The following PHLPP1 variants were observed in gnomAD, a reference collection of about 807,000 sequenced individuals.
The protein encoded by PHLPP1 is PH domain and leucine rich repeat protein phosphatase 1.
Under a neutral mutation model 117.2 loss-of-function variants are expected in PHLPP1, and 42 were observed. That is an observed-to-expected ratio of 0.36 (90% CI 0.28 to 0.46). The LOEUF is 0.46. PHLPP1 is among the 20% of genes least tolerant of loss of function. The pLI is 1.00. For missense variants in PHLPP1, 2,084 were observed against 2,241.9 expected (o/e 0.93, Z 1.42); for synonymous variants, 1,042 against 970.7 (o/e 1.07, Z -1.37).
chr18:62,828,587 C>G (rs1243239530), intron 1 of PHLPP1, among the ~76,000 whole-genome samples: 1 of 152,128 alleles, frequency 6.6e-6, no homozygotes, highest in Non-Finnish European at 1.5e-5. Context: ...AAATTCGAAC[C>G]TGTGGCTTAT....
chr18:62,872,808 A>G (rs1162255754), intron 4 of PHLPP1, among the ~76,000 whole-genome samples: 1 of 151,742 alleles, frequency 6.6e-6, no homozygotes, highest in East Asian at 1.9e-4. Context: ...CCAACATGGT[A>G]AAATCCCGCC....
At chr18:62,766,076 A>ATATATATATATATATATATAT (rs1555670395) in intron 1 of PHLPP1, among the ~76,000 whole-genome samples, 9 of 21,638 alleles carry the variant, frequency 4.2e-4, no homozygotes, top group Admixed American at 1.6e-3. Flanking sequence ...AAAAAAAAAA[A>ATATATATATATATATATATAT]ATATATATAT....
chr18:62,934,895 A>G (rs142300821), intron 10 of PHLPP1, among the ~76,000 whole-genome samples: 238 of 152,326 alleles, frequency 1.6e-3, no homozygotes, highest in Middle Eastern at 3.4e-3. Context: ...CTTTAACATT[A>G]TATACACACA....
chr18:62,819,538 A>C (rs1464031188), intron 1 of PHLPP1, among the ~76,000 whole-genome samples: 2 of 152,232 alleles, frequency 1.3e-5, no homozygotes, highest in East Asian at 3.8e-4. Flanking sequence ...CTATATTTAC[A>C]TTATCAGCAG....
intron 1 of PHLPP1, among the ~76,000 whole-genome samples, chr18:62,718,641 T>C (rs374123615): frequency 2.6e-5 from 4 of 152,228 alleles, no homozygotes; most frequent in African/African-American, 9.6e-5. Context: ...TTTTAAAGTT[T>C]ATGGTCCAGG....
intron 14 of PHLPP1, among the ~76,000 whole-genome samples, chr18:62,965,498 C>T (rs903396974): frequency 2.3e-4 from 26 of 112,506 alleles, no homozygotes; most frequent in Admixed American, 2.2e-3. Context: ...TCACTCTTGT[C>T]GCCCAGGCCG....
chr18:62,724,706 GT>G (rs1449483279), intron 1 of PHLPP1, among the ~76,000 whole-genome samples: 2 of 152,092 alleles, frequency 1.3e-5, no homozygotes, highest in African/African-American at 4.8e-5. Flanking sequence ...ACAGTTAGTC[GT>G]TTCTCTATTC....
At chr18:62,728,124 G>A (rs550502191) in intron 1 of PHLPP1, among the ~76,000 whole-genome samples, 19 of 151,852 alleles carry the variant, frequency 1.3e-4, no homozygotes, top group Admixed American at 1.1e-3. Context: ...GTGAAACCTC[G>A]TCTCTACTAA....
chr18:62,830,243 T>G lies in PHLPP1; in HGVS notation c.1773+12T>G, dbSNP rs1378197087. On this transcript the variant is annotated intron_variant, in intron 2 of 16. Transcript: ENST00000262719. ...TAATTGGTGGAAAAGTAAGTTTGTTTGTTTGTTTGTTTATTGAGTCAGAGT... is the reference window on the plus strand; with the variant it reads ...TAATTGGTGGAAAAGTAAGTTTGTTGGTTTGTTTGTTTATTGAGTCAGAGT... The G allele has an allele frequency of 8.4e-6, 13 of 1,547,390 alleles. No individual in the cohort carries two copies. The highest frequency in any genetic ancestry group is 1.7e-4 in the Middle Eastern group (1 of 5,964).
At chr18:62,932,921 G>T (rs1568165913) in intron 10 of PHLPP1, among the ~76,000 whole-genome samples, 1 of 152,152 alleles carries the variant, frequency 6.6e-6, no homozygotes, top group Admixed American at 6.5e-5. Flanking sequence ...AAAGTTTCAG[G>T]ATTCAGAATC....
intron 1 of PHLPP1, among the ~76,000 whole-genome samples, chr18:62,777,850 G>A (rs1354310486): frequency 2.0e-5 from 3 of 152,142 alleles, no homozygotes; most frequent in Admixed American, 2.0e-4. Flanking sequence ...TCTCATTGGT[G>A]TCCTGCATAT....
chr18:62,979,208 C>G lies in PHLPP1; in HGVS notation c.4931C>G (p.Pro1644Arg), dbSNP rs1424734152. ...HNVIEVATDA[P>R]LRKPGGYFAA... ...GTGATAGAGGTGGCTACAGACGCAC[C>G]TCTTCGAAAGCCTGGAGGCTATTTT... Residue 1644 changes from proline to arginine, a missense_variant, in exon 17 of 17, where the codon CCT becomes CGT. Physicochemically the swap from Pro to Arg is moderately radical, Grantham distance 103. Coordinates refer to ENST00000262719, the MANE Select transcript of PHLPP1 (RefSeq NM_194449.4). The G allele has an allele frequency of 6.2e-7, 1 of 1,611,882 alleles. No individual in the cohort carries two copies. The highest frequency in any genetic ancestry group is 2.2e-5 in the East Asian group (1 of 44,818).
At chr18:62,941,945 C>G in intron 11 of PHLPP1, 27 bp downstream of exon 11, 1 of 1,541,296 alleles carries the variant, frequency 6.5e-7, no homozygotes, top group East Asian at 2.3e-5. Context: ...AAGCTGCGTT[C>G]TGAATTGCAT....
chr18:62,973,281 A>C (rs1911102597), intron 15 of PHLPP1, among the ~76,000 whole-genome samples: 1 of 152,278 alleles, frequency 6.6e-6, no homozygotes, highest in Non-Finnish European at 1.5e-5. Context: ...AGTTGCCACC[A>C]GCAGCAGAGC....
At chr18:62,810,119 C>G (rs1304513727) in intron 1 of PHLPP1, among the ~76,000 whole-genome samples, 1 of 152,234 alleles carries the variant, frequency 6.6e-6, no homozygotes, top group Non-Finnish European at 1.5e-5. Context: ...ACAGTCTACT[C>G]ATACACTGAT....
At chr18:62,914,050 C>G (rs1917035233) in intron 8 of PHLPP1, among the ~76,000 whole-genome samples, 1 of 151,990 alleles carries the variant, frequency 6.6e-6, no homozygotes, top group Non-Finnish European at 1.5e-5. Context: ...TGGCCTAGTT[C>G]TCTTTTTTAT....
intron 10 of PHLPP1, among the ~76,000 whole-genome samples, chr18:62,921,850 A>G (rs1208664363): frequency 6.6e-6 from 1 of 152,232 alleles, no homozygotes; most frequent in Non-Finnish European, 1.5e-5. Context: ...GGTTGCAAGG[A>G]CCACCTTACC....
At chr18:62,772,438 C>T (rs116911518) in intron 1 of PHLPP1, among the ~76,000 whole-genome samples, 2,861 of 151,890 alleles carry the variant, frequency 0.019, 60 homozygotes, top group Admixed American at 0.059. Flanking sequence ...ACAGGAAAAG[C>T]GAGATCACTA....
chr18:62,952,711 C>T (rs1221465352), intron 12 of PHLPP1, among the ~76,000 whole-genome samples: 1 of 152,186 alleles, frequency 6.6e-6, no homozygotes, highest in Non-Finnish European at 1.5e-5. Flanking sequence ...ACTGCAGCCT[C>T]AACTTCCTTG....
Sources: allele counts gnomAD v4.1 joint callset (sites outside exome capture counted in the v4.1 genomes callset), GRCh38; gene constraint gnomAD v4.1.1; transcripts MANE v1.5; gene names NCBI Gene and HGNC (gene_info 2026-07-23, HGNC 2026-07-21).